GPC5: variants seen among roughly 807,000 people sequenced by gnomAD.
GPC5 encodes glypican 5, also known as glypican-5.
In GPC5, 47 loss-of-function variants were observed where a neutral mutation model predicts 53.9. The ratio of observed to expected loss-of-function variants is 0.87; its 90% CI spans 0.69 to 1.11. The LOEUF (loss-of-function observed/expected upper bound fraction) is 1.11, where lower values mean the gene tolerates loss of function less well. Ranked by LOEUF, GPC5 falls within the 50% of genes most tolerant of loss-of-function variation. The pLI, the probability that GPC5 is intolerant of heterozygous loss-of-function variation, is 0.00. For missense variants in GPC5, 748 were observed against 713.1 expected (o/e 1.05, Z -0.56); for synonymous variants, 286 against 263.3 (o/e 1.09, Z -0.84).
chr13:91,710,971 C>A (rs2036212702), intron 3 of GPC5, among the ~76,000 whole-genome samples: 1 of 152,120 alleles, frequency 6.6e-6, no homozygotes, highest in Admixed American at 6.6e-5. Flanking sequence ...CTAAGAAATC[C>A]TGCTATTAAA....
At chr13:92,527,249 G>GAAAGAGAA (rs1281380893) in intron 7 of GPC5, among the ~76,000 whole-genome samples, 74 of 32,638 alleles carry the variant, frequency 2.3e-3, no homozygotes, top group South Asian at 5.2e-3. Flanking sequence ...AAGAAAGAAA[G>GAAAGAGAA]AGAAAGAAAG....
In GPC5 at chr13:91,398,680, TGGCGGC is replaced by T. The variant is rs1594033926; in HGVS notation, c.-366_-361del. 3.0e-4 allele frequency: 7 copies of T among 22,978 alleles called. 1 individual carries two copies. The East Asian group carries it at 3.2e-3, about 10-fold the overall frequency. The allele number at this position is 22,978 out of a possible 1,614,324, so 1.4% of individuals were successfully genotyped here. On this transcript the variant is annotated 5_prime_UTR_variant, in exon 1 of 8. Coordinates refer to ENST00000377067, the MANE Select transcript of GPC5 (RefSeq NM_004466.6). ...GCGGAGGCGGCGGCGGCGGCGGCAG[TGGCGGC>T]AGTGGCGGCAGTGGCGGCAGCGGCA...
intron 5 of GPC5, among the ~76,000 whole-genome samples, chr13:91,841,127 G>A (rs545526173): frequency 2.6e-5 from 4 of 151,686 alleles, no homozygotes; most frequent in South Asian, 2.1e-4. Context: ...TATGAATTCC[G>A]AAGGGGCCTG....
chr13:91,963,093 T>C (rs1021822612), intron 6 of GPC5, among the ~76,000 whole-genome samples: 2 of 152,156 alleles, frequency 1.3e-5, no homozygotes, highest in African/African-American at 4.8e-5. Context: ...GGGCAGTTAC[T>C]TAATATTTCT....
intron 6 of GPC5, among the ~76,000 whole-genome samples, chr13:92,093,519 G>A (rs528248441): frequency 1.3e-5 from 2 of 151,724 alleles, no homozygotes; most frequent in African/African-American, 4.8e-5. Context: ...GTGAAGCTAT[G>A]TTATCAAGTT....
intron 2 of GPC5, among the ~76,000 whole-genome samples, chr13:91,685,359 T>C (rs1197178093): frequency 6.6e-6 from 1 of 152,180 alleles, no homozygotes; most frequent in Admixed American, 6.5e-5. Context: ...AACCAGTTTG[T>C]CCAAATCAAT....
chr13:92,242,712 T>A (rs1016455334), intron 7 of GPC5, among the ~76,000 whole-genome samples: 1 of 152,174 alleles, frequency 6.6e-6, no homozygotes, highest in Admixed American at 6.5e-5. Context: ...TAGTACTTCA[T>A]GCGTAGGAGA....
rs1876883699 is a variant in GPC5, at chr13:92,801,019, TAAAAAAAGAAA to T, written c.1562-65250_1562-65240del. 2.7e-5 allele frequency among the ~76,000 whole-genome samples: 4 copies of T among 149,690 alleles called. No individual in the cohort carries two copies. In the South Asian group the frequency reaches 8.4e-4, roughly 31 times the overall value. On this transcript the variant is annotated intron_variant, in intron 7 of 7. Transcript: ENST00000377067. ...ATTATTCTTGGTTTCTAGATGTTAC[TAAAAAAAGAAA>T]AAAAAAAGAAAACTAGCTTTTTGGG... is the stretch of plus-strand genomic sequence containing the variant.
intron 7 of GPC5, among the ~76,000 whole-genome samples, chr13:92,815,565 C>A (rs1460124221): frequency 6.6e-6 from 1 of 151,878 alleles, no homozygotes; most frequent in East Asian, 1.9e-4. Context: ...GATCTGACAC[C>A]AGTGGAATAC....
intron 7 of GPC5, among the ~76,000 whole-genome samples, chr13:92,254,683 T>G (rs1441174667): frequency 6.6e-6 from 1 of 152,078 alleles, no homozygotes; most frequent in Non-Finnish European, 1.5e-5. Flanking sequence ...TTGGGAAACT[T>G]ACAATCATGG....
chr13:92,841,181 A>C (rs1878416309), intron 7 of GPC5, among the ~76,000 whole-genome samples: 1 of 152,162 alleles, frequency 6.6e-6, no homozygotes, highest in Non-Finnish European at 1.5e-5. Flanking sequence ...TGTGCTTCAC[A>C]AATTATTTGG....
At chr13:92,526,328 T>C (rs906979535) in intron 7 of GPC5, among the ~76,000 whole-genome samples, 1 of 152,086 alleles carries the variant, frequency 6.6e-6, no homozygotes, top group Non-Finnish European at 1.5e-5. Flanking sequence ...AAATTTGTGC[T>C]TTCATAACCT....
intron 7 of GPC5, among the ~76,000 whole-genome samples, chr13:92,756,040 T>C (rs1874847627): frequency 6.6e-6 from 1 of 152,060 alleles, no homozygotes; most frequent in Non-Finnish European, 1.5e-5. Flanking sequence ...AAGAGAGTTT[T>C]AGACCAATAT....
chr13:92,802,474 T>C lies in GPC5; in HGVS notation c.1562-63808T>C, dbSNP rs565636756. Among the ~76,000 whole-genome samples the C allele has an allele frequency of 2.0e-3, 306 of 152,038 alleles. 2 individuals carry two copies. The highest frequency in any genetic ancestry group is 7.2e-3 in the African/African-American group (300 of 41,520). ...AGGGTACATGTGCACAACGTGATCA[T>C]GCTGCTATAAAGACACATGCACACG... On this transcript the variant is annotated intron_variant, in intron 7 of 7. Transcript: ENST00000377067.
chr13:92,169,252 G>C (rs940173219), intron 7 of GPC5, among the ~76,000 whole-genome samples: 9 of 152,150 alleles, frequency 5.9e-5, no homozygotes, highest in Non-Finnish European at 1.3e-4. Context: ...CGTAGGTGAT[G>C]GGTTGATAGG....
At chr13:92,477,077 ATAAAAAG>A (rs2139428859) in intron 7 of GPC5, among the ~76,000 whole-genome samples, 1 of 151,722 alleles carries the variant, frequency 6.6e-6, no homozygotes, top group African/African-American at 2.4e-5. Context: ...AAATAAATAA[ATAAAAAG>A]AAAATAAACA....
chr13:91,574,726 AT>A (rs2032070917), intron 2 of GPC5, among the ~76,000 whole-genome samples: 1 of 152,024 alleles, frequency 6.6e-6, no homozygotes, highest in Non-Finnish European at 1.5e-5. Flanking sequence ...AAGTAAAGGG[AT>A]TTTTCCCTAA....
intron 7 of GPC5, among the ~76,000 whole-genome samples, chr13:92,463,207 A>G (rs2139412702): frequency 6.6e-6 from 1 of 152,214 alleles, no homozygotes; most frequent in East Asian, 1.9e-4. Flanking sequence ...GCAGACAAAC[A>G]TGGTTTAAAC....
chr13:92,705,378 G>A (rs2139259135), intron 7 of GPC5, among the ~76,000 whole-genome samples: 1 of 152,176 alleles, frequency 6.6e-6, no homozygotes, highest in South Asian at 2.1e-4. Flanking sequence ...ATTTTATTCT[G>A]AGTAAGTTTT....
Sources: gnomAD v4.1 joint callset for allele counts (sites outside exome capture counted in the v4.1 genomes callset) on GRCh38, gnomAD v4.1.1 for gene constraint, MANE v1.5 for transcripts, NCBI Gene and HGNC (gene_info 2026-07-23, HGNC 2026-07-21) for gene names.